Variants in SH3KBP1 observed in about 807,000 individuals in gnomAD.
SH3KBP1 encodes the protein SH3 domain containing kinase binding protein 1.
In SH3KBP1, 8 loss-of-function variants were observed where a neutral mutation model predicts 50.1. The ratio of observed to expected loss-of-function variants is 0.16; its 90% CI spans 0.09 to 0.29. SH3KBP1 has a LOEUF of 0.29. SH3KBP1 is among the 10% of genes least tolerant of loss of function. The pLI, the probability that SH3KBP1 is intolerant of heterozygous loss-of-function variation, is 1.00. For synonymous variants in SH3KBP1, 227 were observed against 218.6 expected (o/e 1.04, Z -0.34); for missense variants, 377 against 535.2 (o/e 0.70, Z 2.92).
chrX:19,536,405 T>C lies in SH3KBP1; in HGVS notation c.*12A>G, dbSNP rs1414570286. ...TCAGGATGAATAATGTGACATTTCA[T>C]TGATCAAGTATTCATTTTGATTGTA... On this transcript the variant is annotated 3_prime_UTR_variant, in exon 18 of 18. Coordinates refer to ENST00000397821, the MANE Select transcript of SH3KBP1 (RefSeq NM_031892.3). 9 of 1,111,638 alleles carry C rather than the reference T, an allele frequency of 8.1e-6. No individual in the cohort carries two copies. The highest frequency in any genetic ancestry group is 1.1e-5 in the Non-Finnish European group (9 of 817,067). 91.6% of individuals were successfully genotyped at this position (1,111,638 alleles called of 1,213,427 possible).
At chrX:19,545,846 CTTTG>C (rs1020837331) in intron 15 of SH3KBP1, 72 bp downstream of exon 15, 14 of 1,093,747 alleles carry the variant, frequency 1.3e-5, no homozygotes, top group South Asian at 3.8e-5. Context: ...GTTTGTGTAT[CTTTG>C]TTTGGTTTAT....
intron 7 of SH3KBP1, among the ~76,000 whole-genome samples, chrX:19,639,426 C>T (rs960870801): frequency 2.8e-4 from 31 of 111,590 alleles, no homozygotes; most frequent in Admixed American, 2.6e-3. Flanking sequence ...CTGCTCCTCT[C>T]GATGGTACTT....
chrX:19,536,036 A>C lies in SH3KBP1; in HGVS notation c.*381T>G, dbSNP rs2064699704. On this transcript the variant is annotated 3_prime_UTR_variant, in exon 18 of 18. Coordinates refer to ENST00000397821, the MANE Select transcript of SH3KBP1 (RefSeq NM_031892.3). ...GAAGTCTGTGACAAAACACGATTAA[A>C]AAATCATAAAATTATAAAGCTTGTA... 1 of 119,333 alleles carries C rather than the reference A, an allele frequency of 8.4e-6. No homozygotes were observed. The highest frequency in any genetic ancestry group is 3.2e-5 in the African/African-American group (1 of 31,229). The allele number at this position is 119,333 out of a possible 1,213,427, so 9.8% of individuals were successfully genotyped here. A position where few individuals can be genotyped will look rare whatever the true frequency, so the allele number is the denominator to read the frequency against.
intron 1 of SH3KBP1, among the ~76,000 whole-genome samples, chrX:19,879,370 G>C (rs2069363807): frequency 8.9e-6 from 1 of 112,092 alleles, no homozygotes; most frequent in Non-Finnish European, 1.9e-5. Context: ...TTCCATACTG[G>C]AAGGCAGTTG....
At chrX:19,668,975 T>TATATATATA (rs1569405153) in intron 6 of SH3KBP1, among the ~76,000 whole-genome samples, 23 of 66,576 alleles carry the variant, frequency 3.5e-4, no homozygotes, top group South Asian at 7.8e-4. Flanking sequence ...TATATATATA[T>TATATATATA]TTTTTGAGAC....
chrX:19,627,818 A>C (rs4825245), intron 8 of SH3KBP1, among the ~76,000 whole-genome samples: 31,268 of 111,318 alleles, frequency 0.28, 4,867 homozygotes, highest in African/African-American at 0.6. Context: ...ACCACCTTCA[A>C]TGATACCAAA....
intron 2 of SH3KBP1, among the ~76,000 whole-genome samples, chrX:19,751,060 G>T (rs996235754): frequency 9.0e-6 from 1 of 111,572 alleles, no homozygotes; most frequent in Non-Finnish European, 1.9e-5. Context: ...TCAGCCTGTG[G>T]CTCCAGTGGA....
intron 3 of SH3KBP1, among the ~76,000 whole-genome samples, chrX:19,709,401 T>C (rs1262670160): frequency 9.0e-6 from 1 of 111,563 alleles, no homozygotes; most frequent in Non-Finnish European, 1.9e-5. Flanking sequence ...CACCCTCTCC[T>C]CCTGCCAACC....
intron 6 of SH3KBP1, among the ~76,000 whole-genome samples, chrX:19,645,769 C>T (rs151279784): frequency 1.8e-5 from 2 of 112,082 alleles, no homozygotes; most frequent in African/African-American, 3.2e-5. Context: ...GCAAAGAAAA[C>T]AGGCATAGTT....
intron 6 of SH3KBP1, among the ~76,000 whole-genome samples, chrX:19,656,703 G>T (rs905674149): frequency 1.8e-5 from 2 of 111,898 alleles, no homozygotes; most frequent in African/African-American, 6.5e-5. Context: ...CACAGTGCAG[G>T]TGTCTCTCAG....
intron 13 of SH3KBP1, among the ~76,000 whole-genome samples, chrX:19,560,287 C>A (rs1390858985): frequency 9.2e-6 from 1 of 109,241 alleles, no homozygotes; most frequent in East Asian, 2.8e-4. Flanking sequence ...AAAGAACTGA[C>A]AGAACTAAAG....
At chrX:19,779,889 C>T (rs2066114558) in intron 2 of SH3KBP1, among the ~76,000 whole-genome samples, 1 of 104,730 alleles carries the variant, frequency 9.5e-6, no homozygotes, top group Non-Finnish European at 2.0e-5. Flanking sequence ...AATAAACATA[C>T]GTGTGCATGT....
At chrX:19,714,835 A>G (rs1363335173) in intron 3 of SH3KBP1, among the ~76,000 whole-genome samples, 1 of 112,609 alleles carries the variant, frequency 8.9e-6, no homozygotes, top group African/African-American at 3.2e-5. Flanking sequence ...CTAATTCTAG[A>G]TAATAGCATG....
At chrX:19,714,627 G>C (rs896634152) in intron 3 of SH3KBP1, among the ~76,000 whole-genome samples, 2 of 112,256 alleles carry the variant, frequency 1.8e-5, no homozygotes, top group Admixed American at 9.5e-5. Context: ...ATTATGTTAA[G>C]TGAAATAAGC....
intron 6 of SH3KBP1, chrX:19,683,466 G>A (rs996905098): frequency 3.0e-6 from 1 of 333,836 alleles, no homozygotes; most frequent in South Asian, 2.9e-5. Flanking sequence ...TACAAGGAGC[G>A]GAGAGAGATT....
intron 2 of SH3KBP1, among the ~76,000 whole-genome samples, chrX:19,807,279 C>G (rs750947921): frequency 7.1e-5 from 8 of 112,004 alleles, no homozygotes; most frequent in African/African-American, 9.8e-5. Context: ...AGAAAACTCA[C>G]CCACCACTTT....
intron 2 of SH3KBP1, among the ~76,000 whole-genome samples, chrX:19,754,903 T>C (rs949998729): frequency 8.9e-6 from 1 of 112,127 alleles, no homozygotes; most frequent in East Asian, 2.8e-4. Flanking sequence ...AAACAAGTAA[T>C]ACTTATTTCT....
At chrX:19,546,912 G>C (rs1037740685) in intron 14 of SH3KBP1, among the ~76,000 whole-genome samples, 7 of 111,461 alleles carry the variant, frequency 6.3e-5, no homozygotes, top group African/African-American at 1.6e-4. Flanking sequence ...CCAACACGGG[G>C]ATTATGAGGC....
chrX:19,750,227 T>A (rs760516416), intron 2 of SH3KBP1, among the ~76,000 whole-genome samples: 10 of 111,549 alleles, frequency 9.0e-5, no homozygotes. Flanking sequence ...CCCGGCTAAT[T>A]TTTGTGTTTT....
Sources: allele counts gnomAD v4.1 joint callset (sites outside exome capture counted in the v4.1 genomes callset), GRCh38; gene constraint gnomAD v4.1.1; transcripts MANE v1.5; gene names NCBI Gene and HGNC (gene_info 2026-07-23, HGNC 2026-07-21).